Variants in CCDC22 observed in about 807,000 individuals in gnomAD.
The protein encoded by CCDC22 is coiled-coil domain-containing protein 22.
CCDC22 carries 4 observed loss-of-function variants against 53.1 expected under a neutral mutation model. That is an observed-to-expected ratio of 0.08 (90% confidence interval 0.04 to 0.17). The LOEUF is 0.17. Ranked by LOEUF, CCDC22 falls within the 10% of genes least tolerant of loss-of-function variation. The pLI is 1.00. For missense variants in CCDC22, 458 were observed against 554.0 expected (o/e 0.83, Z 1.74); for synonymous variants, 222 against 224.4 (o/e 0.99, Z 0.10).
At chrX:49,243,609 C>T (rs1338756374) in intron 6 of CCDC22, 147 bp downstream of exon 6, 19 of 477,136 alleles carry the variant, frequency 4.0e-5, no homozygotes, top group Non-Finnish European at 6.4e-5. Flanking sequence ...TGAAAGAACA[C>T]TGGAGTCAGA....
intron 7 of CCDC22, 158 bp downstream of exon 7, chrX:49,247,083 A>G (rs376916314): frequency 2.7e-5 from 13 of 484,714 alleles, no homozygotes; most frequent in Non-Finnish European, 3.9e-5. Flanking sequence ...GGGGTCCCCT[A>G]GCTTATTAGG....
Position 49,243,325 on chromosome X carries a change from C to A in CCDC22, c.577C>A (p.Pro193Thr). ...GGCGAGTCCCCTGCTGCTTCCAGTC[C>A]CTACCCAGGTGCCTCAGCCTGTTGG... is the stretch of plus-strand genomic sequence containing the variant. ...FQASPLLLPV[P>T]TQVPQPVGRV... Residue 193 changes from proline (P) to threonine (T), a missense_variant, in exon 6 of 17, where the codon CCT becomes ACT. Coordinates refer to ENST00000376227, the MANE Select transcript of CCDC22 (RefSeq NM_014008.5). 1 of 1,204,640 alleles carries A rather than the reference C, an allele frequency of 8.3e-7. No homozygotes were observed. Among genetic ancestry groups the A allele is most frequent in the Non-Finnish European group, 1.1e-6 (1 of 891,708 alleles).
rs1557113749 is a variant in CCDC22 at position 49,243,468 on chromosome X, G to A, written c.714+6G>A. The A allele has an allele frequency of 1.7e-6, 2 of 1,151,139 alleles. No homozygotes were observed. Among genetic ancestry groups the A allele is most frequent in the Non-Finnish European group, 2.3e-6 (2 of 861,309 alleles). The allele number at this position is 1,151,139 out of a possible 1,213,427, so 94.9% of individuals were successfully genotyped here. ...CATCCCGCCTCCCACCCCAGGTACAGCCAGATGCCTGGCTCCCTGCTGTCT... is the reference window on the plus strand; with the variant it reads ...CATCCCGCCTCCCACCCCAGGTACAACCAGATGCCTGGCTCCCTGCTGTCT... On this transcript the variant is annotated splice_donor_region_variant and intron_variant, in intron 6 of 16. Transcript: ENST00000376227.
At chrX:49,235,851 A>ACACACG (rs71896590) in intron 1 of CCDC22, among the ~76,000 whole-genome samples, 165 bp downstream of exon 1, 1,847 of 100,146 alleles carry the variant, frequency 0.018, 27 homozygotes, top group South Asian at 0.041. Context: ...ACACACACAC[A>ACACACG]CACACACACA....
intron 13 of CCDC22, 93 bp from the exon 14 acceptor site, chrX:49,249,066 CTGACACAG>C: frequency 9.0e-7 from 1 of 1,115,787 alleles, no homozygotes; most frequent in Non-Finnish European, 1.2e-6. Flanking sequence ...CCAGTCACCC[CTGACACAG>C]TGACACAGTC....
In CCDC22 at chrX:49,235,504, A is replaced by G; in HGVS notation, c.-133A>G. 1.6e-6 allele frequency: 1 copy of G among 608,170 alleles called. No individual in the cohort carries two copies. Among genetic ancestry groups the G allele is most frequent in the South Asian group, 2.4e-5 (1 of 41,001 alleles). The allele number at this position is 608,170 out of a possible 1,213,427, so 50.1% of individuals were successfully genotyped here. On this transcript the variant is annotated 5_prime_UTR_variant, in exon 1 of 17. Transcript: ENST00000376227. Reference sequence around the variant, plus strand: ...ATGCGCCGTGCTCGCTCACAGAACTACACTTTCCAACTCTCCCCACACGAC... The same window carrying G: ...ATGCGCCGTGCTCGCTCACAGAACTGCACTTTCCAACTCTCCCCACACGAC...
intron 2 of CCDC22, among the ~76,000 whole-genome samples, chrX:49,238,002 C>T (rs1288979465): frequency 1.8e-5 from 2 of 109,813 alleles, no homozygotes. Flanking sequence ...TCATGATCCA[C>T]CTGCCTTGGC....
intron 2 of CCDC22, among the ~76,000 whole-genome samples, chrX:49,238,756 C>T (rs1557113068): frequency 1.8e-5 from 2 of 110,156 alleles, no homozygotes; most frequent in Non-Finnish European, 3.8e-5. Context: ...GACGGGGTCT[C>T]GCTTTTGTAG....
In CCDC22 at chrX:49,237,289, A is replaced by G. The variant is rs2065942639; in HGVS notation, c.228+26A>G. The G allele has an allele frequency of 2.6e-6, 3 of 1,160,760 alleles. No individual in the cohort carries two copies. The African/African-American group carries it at 5.3e-5, about 21-fold the overall frequency. On this transcript the variant is annotated intron_variant, in intron 2 of 16. Coordinates refer to ENST00000376227, the MANE Select transcript of CCDC22 (RefSeq NM_014008.5). ...GTGAGTGGCCCTCCTCCTAATGCAC[A>G]CATCCTCTTTCTTCCTCTTTTACAA...
chrX:49,236,557 C>T (rs980086250), intron 1 of CCDC22, among the ~76,000 whole-genome samples: 45 of 110,853 alleles, frequency 4.1e-4, no homozygotes, highest in Non-Finnish European at 7.7e-4. Context: ...GTCACCCTGA[C>T]GCACGAAGAC....
chrX:49,245,823 A>T (rs1160917128), intron 6 of CCDC22, among the ~76,000 whole-genome samples: 1 of 112,306 alleles, frequency 8.9e-6, no homozygotes, highest in Non-Finnish European at 1.9e-5. Flanking sequence ...CAAATCTCAG[A>T]CATCATGTCA....
intron 2 of CCDC22, among the ~76,000 whole-genome samples, chrX:49,240,827 A>C (rs982171291): frequency 7.1e-5 from 8 of 112,173 alleles, no homozygotes; most frequent in Non-Finnish European, 1.3e-4. Context: ...TATTGTGGAA[A>C]AAATCCAAAG....
intron 6 of CCDC22, 39 bp from the exon 7 acceptor site, chrX:49,246,692 C>T (rs1168139218): frequency 1.1e-5 from 12 of 1,080,040 alleles, no homozygotes; most frequent in East Asian, 6.6e-5. Flanking sequence ...GCTAGGTGGG[C>T]CCCTACACCT....
rs1557114228 is a variant in CCDC22 at position 49,246,713 on chromosome X, C to G, written c.715-18C>G. On this transcript the variant is annotated intron_variant, in intron 6 of 16. Transcript: ENST00000376227. ...TGGGCCCCTACACCTTCCTGCTTCC[C>G]CCGCCTTTTCTCCCCAGGAGGACAC... The G allele has an allele frequency of 9.0e-7, 1 of 1,117,122 alleles. No individual in the cohort carries two copies. Among genetic ancestry groups the G allele is most frequent in the African/African-American group, 1.8e-5 (1 of 54,500 alleles). 92.1% of individuals were successfully genotyped at this position (1,117,122 alleles called of 1,213,427 possible).
In CCDC22 at chrX:49,243,229, G is replaced by C; in HGVS notation, c.535+45G>C. Reference sequence around the variant, plus strand: ...GAGGGGTGAGGAGGAAGGTGGGGGGGAACCTCATAGCGTTGCCATGCGGCA... The same window carrying C: ...GAGGGGTGAGGAGGAAGGTGGGGGGCAACCTCATAGCGTTGCCATGCGGCA... On this transcript the variant is annotated intron_variant, in intron 5 of 16. Transcript: ENST00000376227. 3.3e-6 allele frequency: 4 copies of C among 1,197,491 alleles called. No individual in the cohort carries two copies. The South Asian group carries it at 7.2e-5, about 22-fold the overall frequency.
chrX:49,246,810 C>A lies in CCDC22; in HGVS notation c.794C>A (p.Ala265Asp), dbSNP rs1557114265. ...CGCCAAAGCTGGGGCCTGCTTGGGG[C>A]CCCCATACAAGCCCGGGACCTGGGA... is the stretch of plus-strand genomic sequence containing the variant. The part of the protein sequence containing the change: ...HLRQSWGLLG[A>D]PIQARDLGEL... The change falls in exon 7 of 17, where the codon GCC (alanine) becomes GAC (aspartate). Residue 265 changes from alanine to aspartate, a missense_variant. This residue lies in a region of CCDC22 where 309 missense variants were observed against 312.3 expected (regional missense o/e 0.99). Coordinates refer to ENST00000376227, the MANE Select transcript of CCDC22 (RefSeq NM_014008.5). The A allele has an allele frequency of 8.4e-7, 1 of 1,197,102 alleles. No individual in the cohort carries two copies. The highest frequency in any genetic ancestry group is 3.0e-5 in the East Asian group (1 of 33,354).
intron 1 of CCDC22, 107 bp downstream of exon 1, chrX:49,235,793 T>C: frequency 8.3e-6 from 5 of 601,579 alleles, no homozygotes; most frequent in Non-Finnish European, 1.3e-5. Context: ...CATTCAGGGC[T>C]CCAACTCCAG....
At position 49,243,241 on chromosome X, in the gene CCDC22, G is replaced by A. The variant is rs186703174; in HGVS notation, c.536-43G>A. The A allele has an allele frequency of 3.4e-4, 413 of 1,197,397 alleles. 1 individual carries two copies. Among genetic ancestry groups the A allele is most frequent in the African/African-American group, 3.3e-3 (186 of 57,211 alleles). On this transcript the variant is annotated intron_variant, in intron 5 of 16. Coordinates refer to ENST00000376227, the MANE Select transcript of CCDC22 (RefSeq NM_014008.5). ...GGAAGGTGGGGGGGAACCTCATAGC[G>A]TTGCCATGCGGCAGGGCCAGCTGAC...
Position 49,250,426 on chromosome X carries a change from T to C in CCDC22, c.*165T>C. 2.0e-6 allele frequency: 1 copy of C among 509,150 alleles called. No individual in the cohort carries two copies. The highest frequency in any genetic ancestry group is 2.3e-5 in the African/African-American group (1 of 43,794). The allele number at this position is 509,150 out of a possible 1,213,427, so 42.0% of individuals were successfully genotyped here. On this transcript the variant is annotated 3_prime_UTR_variant, in exon 17 of 17. Transcript: ENST00000376227. ...TGACCGCAACCCTTATATGGGGTGATAGTCCAGCATGTGGGGAGCTCGGCT... is the reference window on the plus strand; with the variant it reads ...TGACCGCAACCCTTATATGGGGTGACAGTCCAGCATGTGGGGAGCTCGGCT...
Sources: allele counts gnomAD v4.1 joint callset (sites outside exome capture counted in the v4.1 genomes callset), GRCh38; gene constraint gnomAD v4.1.1; regional missense constraint gnomAD v4.1.1; transcripts MANE v1.5; gene names NCBI Gene and HGNC (gene_info 2026-07-23, HGNC 2026-07-21).